Variants in TSR1 observed in about 807,000 individuals in gnomAD.
TSR1 encodes the protein TSR1 ribosome maturation factor.
TSR1 carries 81 observed loss-of-function variants against 90.9 expected under a neutral mutation model. The observed-to-expected ratio is 0.89, with a 90% CI of 0.74 to 1.07. The LOEUF is 1.07. Among genes scored for constraint, TSR1 ranks in the 50% least tolerant of loss-of-function variants. The pLI, the probability that TSR1 is intolerant of heterozygous loss-of-function variation, is 0.00. For missense variants in TSR1, 989 were observed against 987.3 expected (o/e 1.00, Z -0.02); for synonymous variants, 362 against 348.8 (o/e 1.04, Z -0.42).
chr17:2,334,941 C>A, intron 4 of TSR1, 45 bp from the exon 5 acceptor site: 1 of 1,558,442 alleles, frequency 6.4e-7, no homozygotes, highest in South Asian at 1.2e-5. Context: ...TGCTTCATTA[C>A]ATAAAAATCC....
rs1049640280 is a variant in TSR1, at chr17:2,336,217, A to C, written c.98-77T>G. On this transcript the variant is annotated intron_variant, in intron 1 of 14. Coordinates refer to ENST00000301364, the MANE Select transcript of TSR1 (RefSeq NM_018128.5). ...AAAGGGACTCCTCTCCGCCCACCTTAGAAAGGGCCTTTCGCGTGGAGCCCA... is the reference window on the plus strand; with the variant it reads ...AAAGGGACTCCTCTCCGCCCACCTTCGAAAGGGCCTTTCGCGTGGAGCCCA... 2.3e-5 allele frequency: 37 copies of C among 1,600,316 alleles called. No individual in the cohort carries two copies. The African/African-American group carries it at 4.2e-4, about 18-fold the overall frequency.
chr17:2,325,126 C>T (rs990330854), intron 12 of TSR1, 178 bp downstream of exon 12: 3 of 606,482 alleles, frequency 4.9e-6, no homozygotes, highest in Non-Finnish European at 8.4e-6. Context: ...CACTGTTTCA[C>T]GTAAAAGTTG....
intron 6 of TSR1, 74 bp downstream of exon 6, chr17:2,333,483 C>T: frequency 1.3e-6 from 2 of 1,587,444 alleles, no homozygotes; most frequent in Non-Finnish European, 1.7e-6. Context: ...CCTATAGGGC[C>T]CTCACTTGGA....
rs369851025 is a variant in TSR1, at chr17:2,332,014, G to GT, written c.1496+154dup. On this transcript the variant is annotated intron_variant, in intron 8 of 14. Transcript: ENST00000301364. ...ACTTAATTACATATGACCATTTCCC[G>GT]TATGTATGTCCTGCCTTCCCATATT... Among the ~76,000 whole-genome samples the GT allele has an allele frequency of 1.9e-3, 282 of 152,266 alleles. 1 individual carries two copies. Among genetic ancestry groups the GT allele is most frequent in the African/African-American group, 6.6e-3 (274 of 41,552 alleles).
intron 10 of TSR1, among the ~76,000 whole-genome samples, chr17:2,329,906 T>C (rs1476965440): frequency 6.6e-6 from 1 of 151,922 alleles, no homozygotes; most frequent in Non-Finnish European, 1.5e-5. Flanking sequence ...AAAAGAGATC[T>C]GCACTTTGGC....
At chr17:2,325,214 A>G (rs2075568828) in intron 12 of TSR1, 90 bp downstream of exon 12, 1 of 943,460 alleles carries the variant, frequency 1.1e-6, no homozygotes. Context: ...TCTCCATACC[A>G]TTTGGCTCCC....
rs760685466 is a variant in TSR1, at chr17:2,323,313, G to C, written c.*883C>G. 1 of 1,613,926 alleles carries C rather than the reference G, an allele frequency of 6.2e-7. No homozygotes were observed. Among genetic ancestry groups the C allele is most frequent in the Admixed American group, 1.7e-5 (1 of 59,992 alleles). ...GCCTATTATCAGGGACCTTGTGGAT[G>C]ATATCTTCACTGTCACAGAGGATGA... On this transcript the variant is annotated 3_prime_UTR_variant, in exon 15 of 15. Coordinates refer to ENST00000301364, the MANE Select transcript of TSR1 (RefSeq NM_018128.5).
intron 13 of TSR1, 55 bp from the exon 14 acceptor site, chr17:2,324,633 A>T: frequency 6.2e-7 from 1 of 1,614,044 alleles, no homozygotes; most frequent in Non-Finnish European, 8.5e-7. Context: ...CAAAATGTAA[A>T]CCCAACCTTT....
Position 2,334,489 on chromosome 17 carries a change from G to C in TSR1, c.964C>G (p.Pro322Ala), listed in dbSNP as rs140332925. ...NPRGIKPQKD[P>A]DMAMEICATD... is the part of the protein sequence containing the mutation. ...AGTCTTACCTCCATTGCCATGTCTG[G>C]GTCCTTTTGGGGTTTAATTCCTCTA... is the stretch of plus-strand genomic sequence containing the variant. Residue 322 changes from proline (P) to alanine (A), a missense_variant, in exon 5 of 15, where the codon CCA becomes GCA. Coordinates refer to ENST00000301364, the MANE Select transcript of TSR1 (RefSeq NM_018128.5). 1.9e-4 allele frequency: 300 copies of C among 1,613,192 alleles called. 1 individual carries two copies. Among genetic ancestry groups the C allele is most frequent in the Non-Finnish European group, 2.4e-4 (282 of 1,179,426 alleles).
intron 10 of TSR1, chr17:2,330,073 C>T: frequency 2.6e-5 from 8 of 309,588 alleles, no homozygotes; most frequent in South Asian, 2.2e-4. Flanking sequence ...GCATGTGCCA[C>T]CACGCCTGGC....
chr17:2,324,892 C>T (rs1036167367), intron 12 of TSR1, 63 bp from the exon 13 acceptor site: 3 of 1,543,796 alleles, frequency 1.9e-6, no homozygotes, highest in African/African-American at 1.4e-5. Flanking sequence ...ATTTATTGCC[C>T]AGTCCATTTA....
At chr17:2,325,453 C>G (rs770005058) in intron 11 of TSR1, 33 bp from the exon 12 acceptor site, 10 of 1,557,866 alleles carry the variant, frequency 6.4e-6, no homozygotes, top group Non-Finnish European at 8.8e-6. Flanking sequence ...AAAAGCAAAA[C>G]CATTTTGAGA....
rs1597277391 is a variant in TSR1, at chr17:2,331,061, A to G, written c.1545T>C (p.Asp515=). Residue 515 remains aspartate, a synonymous_variant, in exon 9 of 15, where the codon GAT becomes GAC. Transcript: ENST00000301364. ...AATCTTGAGGAAGGTTTTCCTTAGGATCCCATGGAGATGTCCGGAAGCTCT... is the reference window on the plus strand; with the variant it reads ...AATCTTGAGGAAGGTTTTCCTTAGGGTCCCATGGAGATGTCCGGAAGCTCT... ...GLKSFRTSPW[D]PKENLPQDYA... 6.2e-7 allele frequency: 1 copy of G among 1,609,272 alleles called. No individual in the cohort carries two copies. Among genetic ancestry groups the G allele is most frequent in the Non-Finnish European group, 8.5e-7 (1 of 1,178,762 alleles).
At position 2,336,374 on chromosome 17, in the gene TSR1, G is replaced by C. The variant is rs552221305; in HGVS notation, c.54C>G (p.Gly18=). The change falls in exon 1 of 15, where the codon GGC becomes GGG. Residue 18 remains glycine (G), a synonymous_variant. Transcript: ENST00000301364. The part of the protein sequence containing the change: ...PLKQQNKAHK[G]GRHRGRGSAQ... ...CAGATCCCCGACCCCGATGCCGTCC[G>C]CCTTTATGAGCTTTATTCTGCTGCT... 1.1e-3 allele frequency: 1,747 copies of C among 1,613,630 alleles called. 34 individuals carry two copies. In the South Asian group the frequency reaches 0.018, roughly 17 times the overall value.
rs770865781 is a variant in TSR1 at position 2,333,610 on chromosome 17, G to A, written c.1088C>T (p.Pro363Leu). The A allele has an allele frequency of 1.2e-6, 2 of 1,613,964 alleles. No individual in the cohort carries two copies. Among genetic ancestry groups the A allele is most frequent in the African/African-American group, 2.7e-5 (2 of 74,862 alleles). Residue 363 changes from proline (P) to leucine (L), a missense_variant, in exon 6 of 15, where the codon CCA becomes CTA. Physicochemically the swap from Pro to Leu is moderately conservative, Grantham distance 98. Coordinates refer to ENST00000301364, the MANE Select transcript of TSR1 (RefSeq NM_018128.5). ...ESLQAEVIPD[P>L]MEGEQTWPTE... ...GGGCCAGGTTTGCTCTCCCTCCATT[G>A]GATCTGGGATAACCTCTGCTTGCAA...
chr17:2,324,089 T>C lies in TSR1; in HGVS notation c.*107A>G. 3 of 1,427,142 alleles carry C rather than the reference T, an allele frequency of 2.1e-6. No homozygotes were observed. Among genetic ancestry groups the C allele is most frequent in the Non-Finnish European group, 1.9e-6 (2 of 1,062,262 alleles). The allele number at this position is 1,427,142 out of a possible 1,614,324, so 88.4% of individuals were successfully genotyped here. A position where few individuals can be genotyped will look rare whatever the true frequency, so the allele number is the denominator to read the frequency against. ...AAAAAAGTCTTGCAAAATGGGGCAG[T>C]GGACTGACAGGCTGACATAGAAAAT... On this transcript the variant is annotated 3_prime_UTR_variant, in exon 15 of 15. Coordinates refer to ENST00000301364, the MANE Select transcript of TSR1 (RefSeq NM_018128.5).
chr17:2,330,421 C>CA, intron 10 of TSR1, 94 bp downstream of exon 10: 1 of 1,163,614 alleles, frequency 8.6e-7, no homozygotes, highest in South Asian at 1.2e-5. Flanking sequence ...TCCCAATGAG[C>CA]AAAATTTTAG....
Position 2,322,935 on chromosome 17 carries a change from T to C in TSR1, c.*1261A>G. The C allele has an allele frequency of 1.8e-6, 1 of 554,130 alleles. No homozygotes were observed. Among genetic ancestry groups the C allele is most frequent in the Non-Finnish European group, 3.2e-6 (1 of 309,274 alleles). The allele number at this position is 554,130 out of a possible 1,614,324, so 34.3% of individuals were successfully genotyped here. ...GTCTGCCACCACGCCTGGCTGATTT[T>C]CCTATTTTTAGTTGACACTGCATTT... is the stretch of plus-strand genomic sequence containing the variant. On this transcript the variant is annotated 3_prime_UTR_variant, in exon 15 of 15. Transcript: ENST00000301364.
chr17:2,330,459 C>T, intron 10 of TSR1, 56 bp downstream of exon 10: 16 of 1,518,916 alleles, frequency 1.1e-5, no homozygotes, highest in Non-Finnish European at 1.5e-5. Context: ...TTTAGACTGT[C>T]AGAAGCAGCT....
Sources: gnomAD v4.1 joint callset for allele counts (sites outside exome capture counted in the v4.1 genomes callset) on GRCh38, gnomAD v4.1.1 for gene constraint, MANE v1.5 for transcripts, NCBI Gene and HGNC (gene_info 2026-07-23, HGNC 2026-07-21) for gene names.